OR56A3: variants seen among roughly 807,000 people sequenced by gnomAD.
OR56A3 encodes the protein olfactory receptor 56A3.
A neutral mutation model predicts 17.5 loss-of-function variants in OR56A3; 23 were observed. The ratio of observed to expected loss-of-function variants is 1.32; its 90% CI spans 0.95 to 1.87. OR56A3 has a LOEUF of 1.87. OR56A3 is among the 40% of genes most tolerant of loss of function. OR56A3 has a pLI of 0.00. For missense variants in OR56A3, 366 were observed against 380.1 expected (o/e 0.96, Z 0.31); for synonymous variants, 175 against 150.6 (o/e 1.16, Z -1.19).
At chr11:6,009,618 A>G in the OR56A3 span, among the ~76,000 whole-genome samples, 12 of 152,202 alleles carry the variant, frequency 7.9e-5, no homozygotes, top group Non-Finnish European at 1.3e-4. Context: ...TATTGCTGTT[A>G]AGAATTGCAT....
chr11:6,001,921 G>A, the OR56A3 span: 1 of 855,790 alleles, frequency 1.2e-6, no homozygotes, highest in East Asian at 2.8e-5. Flanking sequence ...CTGAGATATT[G>A]AGAACAGAAG....
rs1847898342 is a variant in OR56A3, at chr11:5,949,963, AAAG to A, written c.*1676_*1678del. On this transcript the variant is annotated 3_prime_UTR_variant, in exon 3 of 3. Transcript: ENST00000641160. ...AGATACACCTTTTTCTTTATTACTC[AAAG>A]AAGAAGGACTCTCTAAAATCTCATT... is the stretch of plus-strand genomic sequence containing the variant. The A allele has an allele frequency of 6.6e-6, 1 of 152,192 alleles. No individual in the cohort carries two copies. Among genetic ancestry groups the A allele is most frequent in the Admixed American group, 6.5e-5 (1 of 15,282 alleles). 9.4% of individuals were successfully genotyped at this position (152,192 alleles called of 1,614,324 possible). A position where few individuals can be genotyped will look rare whatever the true frequency, so the allele number is the denominator to read the frequency against.
At chr11:6,003,284 G>C in the OR56A3 span, 1 of 548,888 alleles carries the variant, frequency 1.8e-6, no homozygotes, top group Non-Finnish European at 3.0e-6. Flanking sequence ...ATAAAATAGA[G>C]ATAAGGGAAA....
At position 5,947,439 on chromosome 11, in the gene OR56A3, G is replaced by A; in HGVS notation, c.93G>A (p.Leu31=). 1 of 1,614,182 alleles carries A rather than the reference G, an allele frequency of 6.2e-7. No homozygotes were observed. The highest frequency in any genetic ancestry group is 1.1e-5 in the South Asian group (1 of 91,088). ...GATCCCCCAGCTGGCAGCACTGGCT[G>A]TCCCTGCCCCTCAGCCTCCTTTTCC... ...FVRSPSWQHW[L]SLPLSLLFLL... is the part of the protein sequence containing the mutation. Residue 31 remains leucine, a synonymous_variant, in exon 3 of 3, where the codon CTG becomes CTA. Coordinates refer to ENST00000641160, the MANE Select transcript of OR56A3 (RefSeq NM_001003443.3).
chr11:5,962,559 T>A, the OR56A3 span, among the ~76,000 whole-genome samples: 2 of 142,132 alleles, frequency 1.4e-5, no homozygotes, highest in Non-Finnish European at 3.0e-5. Context: ...TGAGACGGAG[T>A]CTCTCTCTGT....
the OR56A3 span, among the ~76,000 whole-genome samples, chr11:6,014,441 C>T: frequency 6.6e-6 from 1 of 152,130 alleles, no homozygotes; most frequent in Non-Finnish European, 1.5e-5. Flanking sequence ...GCACCTTCTC[C>T]CTCTTTCTTG....
chr11:5,959,739 T>C, the OR56A3 span, among the ~76,000 whole-genome samples: 4 of 152,320 alleles, frequency 2.6e-5, no homozygotes, highest in East Asian at 7.7e-4. Flanking sequence ...AAATAATCAT[T>C]GCCCAGATCA....
the OR56A3 span, chr11:5,986,862 C>T: frequency 1.2e-6 from 2 of 1,613,818 alleles, no homozygotes; most frequent in East Asian, 2.2e-5. Flanking sequence ...GGGATAGCCT[C>T]CAGCTTGAAT....
chr11:5,986,360 T>C, the OR56A3 span: 3 of 1,613,962 alleles, frequency 1.9e-6, no homozygotes, highest in Non-Finnish European at 2.5e-6. Context: ...TGGCCTATGA[T>C]GGTGGCTTGG....
the OR56A3 span, among the ~76,000 whole-genome samples, chr11:5,962,937 G>A: frequency 9.9e-5 from 15 of 152,060 alleles, no homozygotes; most frequent in Non-Finnish European, 1.8e-4. Context: ...GGTTTTATGT[G>A]TCCAAAAATG....
chr11:6,011,798 C>T, the OR56A3 span, among the ~76,000 whole-genome samples: 5 of 152,126 alleles, frequency 3.3e-5, no homozygotes, highest in African/African-American at 9.7e-5. Flanking sequence ...TGGGTGTGAG[C>T]GAGCATGGGG....
the OR56A3 span, among the ~76,000 whole-genome samples, chr11:5,995,349 G>A: frequency 3.3e-5 from 5 of 152,304 alleles, no homozygotes; most frequent in East Asian, 1.9e-4. Context: ...CATCTCAAGG[G>A]TTCATATGGC....
At chr11:6,007,348 C>A in the OR56A3 span, among the ~76,000 whole-genome samples, 1 of 152,178 alleles carries the variant, frequency 6.6e-6, no homozygotes, top group Admixed American at 6.5e-5. Context: ...TATAAAATTT[C>A]TGTTACAAGT....
At chr11:5,970,984 C>A in the OR56A3 span, among the ~76,000 whole-genome samples, 222 of 152,128 alleles carry the variant, frequency 1.5e-3, 1 homozygote, top group Non-Finnish European at 2.8e-3. Context: ...ACCAAAGAAA[C>A]AAAGGGAACT....
the OR56A3 span, among the ~76,000 whole-genome samples, chr11:5,977,652 A>G: frequency 6.6e-6 from 1 of 152,102 alleles, no homozygotes; most frequent in African/African-American, 2.4e-5. Context: ...ATTTTCTCCT[A>G]TTATGTAGGT....
chr11:6,018,389 A>G, the OR56A3 span, among the ~76,000 whole-genome samples: 1 of 152,160 alleles, frequency 6.6e-6, no homozygotes, highest in South Asian at 2.1e-4. Context: ...AGTAGAATAA[A>G]ACTAAAACTT....
At chr11:5,986,540 C>T in the OR56A3 span, 1 of 1,613,958 alleles carries the variant, frequency 6.2e-7, no homozygotes, top group Non-Finnish European at 8.5e-7. Context: ...ACAAGTACCC[C>T]TGACTCCATG....
At chr11:6,019,334 G>C in the OR56A3 span, 1 of 152,110 alleles carries the variant, frequency 6.6e-6, no homozygotes, top group Non-Finnish European at 1.5e-5. Context: ...AACCAAGTGG[G>C]ATTTATCCCA....
the OR56A3 span, among the ~76,000 whole-genome samples, chr11:5,963,128 AAAC>A: frequency 6.6e-6 from 1 of 152,114 alleles, no homozygotes; most frequent in Admixed American, 6.5e-5. Flanking sequence ...TCATTTTAAA[AAAC>A]CTCCATTTTG....
Sources: allele counts gnomAD v4.1 joint callset (sites outside exome capture counted in the v4.1 genomes callset), GRCh38; gene constraint gnomAD v4.1.1; transcripts MANE v1.5; gene names NCBI Gene and HGNC (gene_info 2026-07-23, HGNC 2026-07-21).